The following FSTL4 variants were observed in gnomAD, a reference collection of about 807,000 sequenced individuals.
FSTL4 encodes follistatin like 4, also known as follistatin-related protein 4.
In FSTL4, 28 loss-of-function variants were observed where a neutral mutation model predicts 78.2. The observed-to-expected ratio is 0.36, with a 90% CI of 0.27 to 0.49. FSTL4 has a LOEUF of 0.49. Among genes scored for constraint, FSTL4 ranks in the 20% least tolerant of loss-of-function variants. FSTL4 has a pLI of 0.98. For synonymous variants in FSTL4, 422 were observed against 440.5 expected (o/e 0.96, Z 0.53); for missense variants, 922 against 1,084.9 (o/e 0.85, Z 2.11).
the FSTL4 span, among the ~76,000 whole-genome samples, chr5:133,668,394 A>G: frequency 6.6e-6 from 1 of 152,126 alleles, no homozygotes; most frequent in African/African-American, 2.4e-5. Context: ...AAAAATGGAG[A>G]CTTATTTCAC....
At chr5:133,613,602 C>G (rs139300808), upstream of FSTL4, among the ~76,000 whole-genome samples, 741 of 152,356 alleles carry the variant, frequency 4.9e-3, 4 homozygotes, top group African/African-American at 0.017. Flanking sequence ...CCCTCCAATG[C>G]AGCAGGCACT....
chr5:133,817,374 A>T, the FSTL4 span, among the ~76,000 whole-genome samples: 1 of 152,214 alleles, frequency 6.6e-6, no homozygotes, highest in Non-Finnish European at 1.5e-5. Context: ...AAGCCATTCT[A>T]GGTCCTTCAA....
chr5:133,547,138 C>T (rs1759592800), intron 3 of FSTL4, among the ~76,000 whole-genome samples: 1 of 152,158 alleles, frequency 6.6e-6, no homozygotes, highest in South Asian at 2.1e-4. Flanking sequence ...GACATGGAGT[C>T]AAAGAAGATT....
At chr5:133,524,763 C>T (rs1437470836) in intron 3 of FSTL4, among the ~76,000 whole-genome samples, 2 of 152,206 alleles carry the variant, frequency 1.3e-5, no homozygotes, top group East Asian at 3.9e-4. Flanking sequence ...AACAGACAGC[C>T]CCCATGGGCC....
intron 6 of FSTL4, among the ~76,000 whole-genome samples, chr5:133,252,585 G>A (rs1029235201): frequency 1.3e-5 from 2 of 151,798 alleles, no homozygotes; most frequent in African/African-American, 2.4e-5. Context: ...AGGGCTCTGG[G>A]TACATAGAGA....
chr5:133,524,773 C>G (rs1021439135), intron 3 of FSTL4, among the ~76,000 whole-genome samples: 51 of 152,212 alleles, frequency 3.4e-4, no homozygotes, highest in African/African-American at 1.2e-3. Flanking sequence ...CCCCATGGGC[C>G]TCTGCACACA....
At chr5:133,682,871 C>T in the FSTL4 span, among the ~76,000 whole-genome samples, 3 of 152,012 alleles carry the variant, frequency 2.0e-5, no homozygotes, top group Non-Finnish European at 4.4e-5. Context: ...GGGCAGTGAC[C>T]CCAGAGAAAA....
At chr5:133,734,749 T>C in the FSTL4 span, among the ~76,000 whole-genome samples, 13 of 152,360 alleles carry the variant, frequency 8.5e-5, no homozygotes, top group Non-Finnish European at 1.5e-4. Context: ...TTTTCTTCTA[T>C]AATATCTTTA....
At chr5:133,250,955 A>G (rs1404468520) in intron 6 of FSTL4, among the ~76,000 whole-genome samples, 6 of 152,208 alleles carry the variant, frequency 3.9e-5, no homozygotes, top group Non-Finnish European at 7.3e-5. Flanking sequence ...GGAGGGGACA[A>G]TCACACACAG....
intron 5 of FSTL4, 37 bp from the exon 6 acceptor site, chr5:133,312,814 T>G (rs1216092220): frequency 1.2e-6 from 2 of 1,611,792 alleles, no homozygotes; most frequent in African/African-American, 2.7e-5. Flanking sequence ...CAGAATCAGA[T>G]GAGTTTAGAG....
intron 8 of FSTL4, 101 bp downstream of exon 8, chr5:133,233,316 A>G (rs1172309855): frequency 1.1e-5 from 15 of 1,312,984 alleles, no homozygotes; most frequent in Non-Finnish European, 1.5e-5. Context: ...GGGGTTAGAT[A>G]TTTCTTTAAG....
At chr5:133,648,107 T>C in the FSTL4 span, among the ~76,000 whole-genome samples, 1 of 152,156 alleles carries the variant, frequency 6.6e-6, no homozygotes, top group Admixed American at 6.5e-5. Flanking sequence ...GAACTGTAAG[T>C]CCACTAAACC....
chr5:133,306,346 G>C (rs1248710663), intron 6 of FSTL4, among the ~76,000 whole-genome samples: 1 of 152,202 alleles, frequency 6.6e-6, no homozygotes, highest in African/African-American at 2.4e-5. Flanking sequence ...CGGAGGTAAA[G>C]GTAATTACGC....
chr5:133,825,730 C>G, the FSTL4 span, among the ~76,000 whole-genome samples: 5 of 152,332 alleles, frequency 3.3e-5, no homozygotes, highest in African/African-American at 1.2e-4. Flanking sequence ...GGACTTGTGC[C>G]AGGGAGCACG....
the FSTL4 span, among the ~76,000 whole-genome samples, chr5:133,769,936 A>G: frequency 6.6e-6 from 1 of 152,094 alleles, no homozygotes. Flanking sequence ...GCTCTCACTT[A>G]TAAGTGAGAA....
chr5:133,235,101 T>G (rs1378382671), intron 7 of FSTL4, among the ~76,000 whole-genome samples: 1 of 152,116 alleles, frequency 6.6e-6, no homozygotes, highest in African/African-American at 2.4e-5. Flanking sequence ...CTGATACTCA[T>G]GTGAGCTCCT....
At chr5:133,747,876 C>G in the FSTL4 span, among the ~76,000 whole-genome samples, 1 of 152,066 alleles carries the variant, frequency 6.6e-6, no homozygotes, top group Non-Finnish European at 1.5e-5. Context: ...GGGTGGGGAT[C>G]AAATGGCTGA....
chr5:133,702,842 G>T, the FSTL4 span, among the ~76,000 whole-genome samples: 1 of 152,176 alleles, frequency 6.6e-6, no homozygotes, highest in Non-Finnish European at 1.5e-5. Context: ...TCACTGAAGA[G>T]GCAGGGCACT....
chr5:133,383,708 G>A (rs1274130784), intron 4 of FSTL4, among the ~76,000 whole-genome samples: 2 of 152,178 alleles, frequency 1.3e-5, no homozygotes, highest in Non-Finnish European at 2.9e-5. Flanking sequence ...CCGATTTCCA[G>A]GAGTAACTAG....
Sources: allele counts gnomAD v4.1 joint callset (sites outside exome capture counted in the v4.1 genomes callset), GRCh38; gene constraint gnomAD v4.1.1; transcripts MANE v1.5; gene names NCBI Gene and HGNC (gene_info 2026-07-23, HGNC 2026-07-21).